Variants in FSTL5 observed in about 807,000 individuals in gnomAD.
The protein encoded by FSTL5 is follistatin-related protein 5.
FSTL5 carries 62 observed loss-of-function variants against 89.1 expected under a neutral mutation model. That is an observed-to-expected ratio of 0.70 (90% CI 0.57 to 0.86). The LOEUF is 0.86. Ranked by LOEUF, FSTL5 falls within the 40% of genes least tolerant of loss-of-function variation. The probability of loss-of-function intolerance (pLI) is 0.00; values close to 1 mark genes in which losing one functional copy is unlikely to be tolerated. For missense variants in FSTL5, 1,057 were observed against 1,001.6 expected (o/e 1.06, Z -0.75); for synonymous variants, 383 against 346.2 (o/e 1.11, Z -1.18).
At chr4:161,532,668 C>G (rs1560941047) in intron 10 of FSTL5, among the ~76,000 whole-genome samples, 1 of 152,082 alleles carries the variant, frequency 6.6e-6, no homozygotes, top group African/African-American at 2.4e-5. Flanking sequence ...CCACTGACAA[C>G]ATTAGAAATA....
At chr4:161,853,659 T>G (rs2126883288) in intron 4 of FSTL5, among the ~76,000 whole-genome samples, 1 of 152,318 alleles carries the variant, frequency 6.6e-6, no homozygotes, top group African/African-American at 2.4e-5. Flanking sequence ...CTGCTAGAAT[T>G]TTCACACTAT....
intron 2 of FSTL5, 149 bp from the exon 3 acceptor site, chr4:162,033,807 A>ATT (rs72372775): frequency 7.7e-5 from 39 of 508,400 alleles, no homozygotes; most frequent in East Asian, 2.1e-4. Flanking sequence ...TTTACATATA[A>ATT]TTTTTTTTTG....
chr4:161,991,493 G>C (rs1410945867), intron 3 of FSTL5, among the ~76,000 whole-genome samples: 1 of 152,054 alleles, frequency 6.6e-6, no homozygotes, highest in Non-Finnish European at 1.5e-5. Context: ...TTGAAAATGT[G>C]CATTAAAGAT....
intron 7 of FSTL5, among the ~76,000 whole-genome samples, chr4:161,640,733 A>T (rs1735926511): frequency 1.5e-5 from 2 of 133,972 alleles, no homozygotes; most frequent in Admixed American, 6.9e-5. Context: ...AGAAGCAGAG[A>T]AAATATTTGA....
At chr4:161,953,349 C>T (rs1261357398) in intron 3 of FSTL5, among the ~76,000 whole-genome samples, 2 of 151,330 alleles carry the variant, frequency 1.3e-5, no homozygotes, top group African/African-American at 4.8e-5. Flanking sequence ...TATTATAAAA[C>T]TTTTAAATGT....
At chr4:161,430,521 AC>A (rs1324945277) in intron 15 of FSTL5, among the ~76,000 whole-genome samples, 8 of 152,198 alleles carry the variant, frequency 5.3e-5, no homozygotes, top group Non-Finnish European at 1.2e-4. Flanking sequence ...CAGGTGGATC[AC>A]GAGGTCAGGA....
At chr4:161,469,455 T>A (rs1297067995) in intron 13 of FSTL5, among the ~76,000 whole-genome samples, 1 of 152,130 alleles carries the variant, frequency 6.6e-6, no homozygotes, top group Non-Finnish European at 1.5e-5. Context: ...TCCAACCCCG[T>A]GCCAAAACTT....
chr4:161,872,635 G>A (rs938194583), intron 4 of FSTL5, among the ~76,000 whole-genome samples: 11 of 152,082 alleles, frequency 7.2e-5, no homozygotes, highest in African/African-American at 2.7e-4. Context: ...AAGACAAAAC[G>A]TATTGAGTAT....
At chr4:161,798,647 G>A (rs1729705077) in intron 4 of FSTL5, among the ~76,000 whole-genome samples, 1 of 151,302 alleles carries the variant, frequency 6.6e-6, no homozygotes, top group African/African-American at 2.4e-5. Context: ...CCAACAAACT[G>A]ATTTAACAAG....
At chr4:161,732,440 A>T (rs897945955) in intron 6 of FSTL5, among the ~76,000 whole-genome samples, 1 of 151,952 alleles carries the variant, frequency 6.6e-6, no homozygotes, top group South Asian at 2.1e-4. Flanking sequence ...TTCTCATTCT[A>T]TGGGGGACCT....
At chr4:161,694,661 C>T (rs1183356346) in intron 6 of FSTL5, among the ~76,000 whole-genome samples, 1 of 151,842 alleles carries the variant, frequency 6.6e-6, no homozygotes, top group African/African-American at 2.4e-5. Context: ...ATTTTTTTCC[C>T]CATGAATGGG....
chr4:161,720,426 G>T (rs148651440), intron 6 of FSTL5, among the ~76,000 whole-genome samples: 2 of 152,086 alleles, frequency 1.3e-5, no homozygotes, highest in South Asian at 2.1e-4. Flanking sequence ...AATGTAAATC[G>T]GTGTAGTCAC....
At chr4:161,997,511 A>G (rs750838803) in intron 3 of FSTL5, among the ~76,000 whole-genome samples, 17 of 152,120 alleles carry the variant, frequency 1.1e-4, no homozygotes, top group Non-Finnish European at 2.2e-4. Context: ...ATTCCTTTCA[A>G]TTGAATACAA....
intron 15 of FSTL5, among the ~76,000 whole-genome samples, chr4:161,393,002 A>C (rs2110881139): frequency 6.6e-6 from 1 of 152,056 alleles, no homozygotes; most frequent in Middle Eastern, 3.4e-3. Flanking sequence ...TGTCTCTATT[A>C]AATATACAAA....
intron 12 of FSTL5, among the ~76,000 whole-genome samples, chr4:161,496,271 T>C (rs191378968): frequency 7.2e-5 from 11 of 152,280 alleles, no homozygotes; most frequent in Admixed American, 6.5e-4. Flanking sequence ...AACTTAATCC[T>C]TGACTACAAG....
chr4:161,716,366 G>T (rs188894013), intron 6 of FSTL5, among the ~76,000 whole-genome samples: 1 of 152,210 alleles, frequency 6.6e-6, no homozygotes, highest in East Asian at 1.9e-4. Flanking sequence ...GAAGGCCAAA[G>T]TGGGCTGATC....
At chr4:161,664,250 T>C (rs1736811641) in intron 6 of FSTL5, among the ~76,000 whole-genome samples, 1 of 152,184 alleles carries the variant, frequency 6.6e-6, no homozygotes, top group Admixed American at 6.5e-5. Flanking sequence ...AGAAAATGGA[T>C]CTTTCTTTTC....
intron 4 of FSTL5, among the ~76,000 whole-genome samples, chr4:161,818,607 G>T (rs938451830): frequency 6.6e-6 from 1 of 152,186 alleles, no homozygotes; most frequent in Non-Finnish European, 1.5e-5. Flanking sequence ...TGAGCAGTGG[G>T]GCATTGTAGA....
At chr4:161,939,212 A>T (rs947982400) in intron 3 of FSTL5, among the ~76,000 whole-genome samples, 2 of 151,956 alleles carry the variant, frequency 1.3e-5, no homozygotes, top group African/African-American at 4.8e-5. Flanking sequence ...AATAAGGAAG[A>T]TTCATTTAAA....
Sources: gnomAD v4.1 joint callset for allele counts (sites outside exome capture counted in the v4.1 genomes callset) on GRCh38, gnomAD v4.1.1 for gene constraint, MANE v1.5 for transcripts, NCBI Gene and HGNC (gene_info 2026-07-23, HGNC 2026-07-21) for gene names.